Variants in TPTE2 observed in about 807,000 individuals in gnomAD.
The protein encoded by TPTE2 is transmembrane phosphoinositide 3-phosphatase and tensin homolog 2, also known as phosphatidylinositol 3,4,5-trisphosphate 3-phosphatase TPTE2.
A neutral mutation model predicts 78.6 loss-of-function variants in TPTE2; 53 were observed. That is an observed-to-expected ratio of 0.67 (90% CI 0.54 to 0.85). The LOEUF (loss-of-function observed/expected upper bound fraction) is 0.85. TPTE2 is among the 40% of genes least tolerant of loss of function. The probability of loss-of-function intolerance (pLI) is 0.00; values close to 1 mark genes in which losing one functional copy is unlikely to be tolerated. For missense variants in TPTE2, 461 were observed against 623.0 expected (o/e 0.74, Z 2.77); for synonymous variants, 175 against 206.2 (o/e 0.85, Z 1.30).
chr13:19,426,310 T>G (rs1279108309), intron 18 of TPTE2, 115 bp downstream of exon 21: 1 of 759,860 alleles, frequency 1.3e-6, no homozygotes, highest in African/African-American at 1.7e-5. Context: ...TAGATCTGAT[T>G]TATTGTTTTC....
At chr13:19,525,547 C>T (rs148874529) in intron 1 of TPTE2, among the ~76,000 whole-genome samples, 1 of 152,106 alleles carries the variant, frequency 6.6e-6, no homozygotes, top group East Asian at 1.9e-4. Flanking sequence ...AAAATCAACC[C>T]ATGATGGATA....
chr13:19,434,462 G>A (rs1013885124), intron 15 of TPTE2, among the ~76,000 whole-genome samples: 25 of 152,192 alleles, frequency 1.6e-4, no homozygotes, highest in African/African-American at 5.8e-4. Flanking sequence ...AGGTTGAAAC[G>A]TTTAGTTTAT....
chr13:19,436,115 C>T (rs936621861), intron 15 of TPTE2, 111 bp downstream of exon 18: 8 of 884,436 alleles, frequency 9.0e-6, no homozygotes, highest in Non-Finnish European at 1.0e-5. Context: ...GGGCACCCAA[C>T]TGCTGCTGCC....
chr13:19,457,217 T>C (rs976667903), intron 10 of TPTE2, among the ~76,000 whole-genome samples: 6 of 152,204 alleles, frequency 3.9e-5, no homozygotes, highest in Admixed American at 2.6e-4. Context: ...TACATGCATA[T>C]ATACTCAGGT....
upstream of TPTE2, among the ~76,000 whole-genome samples, chr13:19,503,668 C>T (rs1240760100): frequency 2.6e-5 from 4 of 152,128 alleles, no homozygotes; most frequent in Admixed American, 1.3e-4. Flanking sequence ...CTCTCTTGGT[C>T]CACAAGTAGG....
intron 17 of TPTE2, among the ~76,000 whole-genome samples, chr13:19,429,192 G>T (rs1876369377): frequency 6.6e-6 from 1 of 152,176 alleles, no homozygotes; most frequent in Non-Finnish European, 1.5e-5. Context: ...AGGATGCATA[G>T]TTCAGGATTC....
intron 13 of TPTE2, among the ~76,000 whole-genome samples, chr13:19,446,085 T>C (rs1270348806): frequency 1.3e-5 from 2 of 152,200 alleles, no homozygotes; most frequent in Non-Finnish European, 2.9e-5. Context: ...ATAAAAAAAG[T>C]ATAAAATATT....
At chr13:19,537,012 T>G (rs994253049), upstream of TPTE2, among the ~76,000 whole-genome samples, 1 of 151,704 alleles carries the variant, frequency 6.6e-6, no homozygotes, top group Non-Finnish European at 1.5e-5. Context: ...CAATTTACAG[T>G]GCCACCAACA....
intron 1 of TPTE2, among the ~76,000 whole-genome samples, chr13:19,516,701 C>G (rs1238547513): frequency 6.6e-6 from 1 of 152,160 alleles, no homozygotes; most frequent in East Asian, 1.9e-4. Context: ...GAGCTGAACA[C>G]TAGCTCACCA....
intron 14 of TPTE2, among the ~76,000 whole-genome samples, chr13:19,436,711 C>T (rs1163626890): frequency 6.6e-6 from 1 of 152,086 alleles, no homozygotes; most frequent in African/African-American, 2.4e-5. Context: ...CACCCATGCC[C>T]GGCCACAGTG....
upstream of TPTE2, among the ~76,000 whole-genome samples, chr13:19,540,448 G>A (rs1192264547): frequency 6.6e-6 from 1 of 151,808 alleles, no homozygotes; most frequent in Non-Finnish European, 1.5e-5. Context: ...GTGACTACAG[G>A]CGTGTGCCAC....
At chr13:19,494,691 G>A (rs565600912) in intron 1 of TPTE2, among the ~76,000 whole-genome samples, 144 of 152,246 alleles carry the variant, frequency 9.5e-4, no homozygotes, top group Non-Finnish European at 1.5e-3. Flanking sequence ...TTACAGGTGT[G>A]AACCATTGCA....
chr13:19,480,317 T>G (rs1318722811), intron 4 of TPTE2, among the ~76,000 whole-genome samples: 2 of 152,282 alleles, frequency 1.3e-5, no homozygotes, highest in African/African-American at 2.4e-5. Context: ...GGGATGACAT[T>G]TTCATGCTGA....
rs1017551561 is a variant in TPTE2, at chr13:19,474,161, T to C, written c.231-86A>G. The C allele has an allele frequency of 1.3e-5, 17 of 1,262,722 alleles. No homozygotes were observed. The African/African-American group carries it at 2.8e-4, about 21-fold the overall frequency. 78.2% of individuals were successfully genotyped at this position (1,262,722 alleles called of 1,614,324 possible). On this transcript the variant is annotated intron_variant, in intron 5 of 19. Transcript: ENST00000400230. ...GGCATTTGTCCCTATAGCTATACTA[T>C]ATTTAAGCCACTGATCAGGTACCAA...
intron 1 of TPTE2, among the ~76,000 whole-genome samples, chr13:19,502,579 A>T (rs1441290316): frequency 1.4e-5 from 2 of 145,948 alleles, no homozygotes; most frequent in East Asian, 2.2e-4. Context: ...ATTCTCACTC[A>T]TAGGTGGGAA....
intron 10 of TPTE2, among the ~76,000 whole-genome samples, chr13:19,462,928 C>G (rs1879025197): frequency 6.6e-6 from 1 of 151,812 alleles, no homozygotes; most frequent in South Asian, 2.1e-4. Context: ...ATTTGAGAAC[C>G]TTCGAGCTTC....
Position 19,493,379 on chromosome 13 carries a change from C to T in TPTE2, c.65+69G>A, listed in dbSNP as rs565411193. On this transcript the variant is annotated intron_variant, in intron 2 of 19. Transcript: ENST00000400230. ...TGGATGGATATATTTGCTCATATGC[C>T]TGTGTGTGTGTATAGTTCTATGCAC... The T allele has an allele frequency of 5.7e-4, 779 of 1,370,844 alleles. 1 individual carries two copies. The highest frequency in any genetic ancestry group is 7.7e-4 in the Non-Finnish European group (743 of 960,422). The allele number at this position is 1,370,844 out of a possible 1,614,324, so 84.9% of individuals were successfully genotyped here.
In TPTE2 at chr13:19,465,458, C is replaced by A; in HGVS notation, c.612+7G>T. On this transcript the variant is annotated splice_region_variant and intron_variant, in intron 8 of 19. Transcript: ENST00000400230. ...TTCTGAATCATAAGCATGTTTTGCC[C>A]ACTTACCAGCCTTCTCATCAGCTTT... 6.2e-7 allele frequency: 1 copy of A among 1,607,268 alleles called. No individual in the cohort carries two copies. The highest frequency in any genetic ancestry group is 1.7e-5 in the Admixed American group (1 of 58,196).
At chr13:19,475,705 T>C in intron 4 of TPTE2, 82 bp from the exon 8 acceptor site, 3 of 1,384,180 alleles carry the variant, frequency 2.2e-6, no homozygotes, top group Non-Finnish European at 2.9e-6. Context: ...CCTTTATAAA[T>C]ATAATTTTAA....
Sources: gnomAD v4.1 joint callset for allele counts (sites outside exome capture counted in the v4.1 genomes callset) on GRCh38, gnomAD v4.1.1 for gene constraint, MANE v1.5 for transcripts, NCBI Gene and HGNC (gene_info 2026-07-23, HGNC 2026-07-21) for gene names.